Variants in SNX7 observed in about 807,000 individuals in gnomAD.
SNX7 encodes the protein sorting nexin 7.
In SNX7, 35 loss-of-function variants were observed where a neutral mutation model predicts 48.4. That is an observed-to-expected ratio of 0.72 (90% CI 0.55 to 0.96). The LOEUF (loss-of-function observed/expected upper bound fraction) is 0.96. Ranked by LOEUF, SNX7 falls within the 40% of genes least tolerant of loss-of-function variation. SNX7 has a pLI of 0.00. For missense variants in SNX7, 553 were observed against 548.9 expected (o/e 1.01, Z -0.07); for synonymous variants, 190 against 190.2 (o/e 1.00, Z 0.01).
Position 98,721,911 on chromosome 1 carries a change from T to C in SNX7, c.1126-16326T>C, listed in dbSNP as rs181671234. 3.6e-3 allele frequency among the ~76,000 whole-genome samples: 551 copies of C among 152,212 alleles called. 5 individuals are homozygous for C. Among genetic ancestry groups the C allele is most frequent in the African/African-American group, 0.012 (516 of 41,556 alleles). On this transcript the variant is annotated intron_variant, in intron 7 of 8. Coordinates refer to ENST00000306121, the MANE Select transcript of SNX7 (RefSeq NM_015976.5). Reference sequence around the variant, plus strand: ...TCATTTCTTTTTAATAGAAATATATTAATGACTGATAGAAGCACCTAGAAA... The same window carrying C: ...TCATTTCTTTTTAATAGAAATATATCAATGACTGATAGAAGCACCTAGAAA...
chr1:98,739,041 AC>A, intron 8 of SNX7, among the ~76,000 whole-genome samples: 1 of 152,262 alleles, frequency 6.6e-6, no homozygotes, highest in Non-Finnish European at 1.5e-5. Context: ...CGTACCAGGG[AC>A]AGGTTTCATG....
chr1:98,668,307 G>T (rs1649655033), intron 1 of SNX7, among the ~76,000 whole-genome samples: 1 of 152,108 alleles, frequency 6.6e-6, no homozygotes, highest in East Asian at 1.9e-4. Context: ...GTCATATAGG[G>T]TATTAATTTT....
At chr1:98,744,860 C>T (rs1654240113) in intron 8 of SNX7, among the ~76,000 whole-genome samples, 1 of 151,972 alleles carries the variant, frequency 6.6e-6, no homozygotes, top group South Asian at 2.1e-4. Flanking sequence ...TACAAAGCCC[C>T]AGTTGAAGCC....
intron 2 of SNX7, among the ~76,000 whole-genome samples, chr1:98,689,061 C>T (rs925049168): frequency 3.3e-5 from 5 of 152,068 alleles, no homozygotes; most frequent in Admixed American, 6.5e-5. Flanking sequence ...CGTGCCACTA[C>T]GTCTGGCTAA....
intron 1 of SNX7, among the ~76,000 whole-genome samples, chr1:98,663,269 T>G (rs1354855387): frequency 1.7e-5 from 1 of 57,708 alleles, no homozygotes; most frequent in African/African-American, 5.3e-5. Flanking sequence ...TTTTTTTTTT[T>G]TTTTTTTTTT....
At chr1:98,661,371 G>A (rs1054849478), upstream of SNX7, among the ~76,000 whole-genome samples, 2 of 151,952 alleles carry the variant, frequency 1.3e-5, no homozygotes, top group African/African-American at 2.4e-5. Flanking sequence ...TCGCTTCGTG[G>A]CTTCTTCCCA....
chr1:98,700,399 G>A (rs115241289), intron 6 of SNX7, among the ~76,000 whole-genome samples: 4,086 of 152,224 alleles, frequency 0.027, 78 homozygotes, highest in Middle Eastern at 0.045. Flanking sequence ...GACTGAATTA[G>A]AGAGTGAGTC....
intron 4 of SNX7, among the ~76,000 whole-genome samples, chr1:98,692,862 T>C (rs575488441): frequency 5.3e-5 from 8 of 152,346 alleles, no homozygotes; most frequent in Non-Finnish European, 1.0e-4. Context: ...TTTAACTTTT[T>C]ATAATAGATT....
intron 7 of SNX7, among the ~76,000 whole-genome samples, chr1:98,737,317 G>A (rs781125243): frequency 4.6e-5 from 7 of 151,916 alleles, no homozygotes; most frequent in African/African-American, 9.7e-5. Context: ...CCTGTCTACC[G>A]TTCTGCTTCA....
chr1:98,702,754 G>T (rs1390312272), intron 7 of SNX7, among the ~76,000 whole-genome samples: 1 of 152,104 alleles, frequency 6.6e-6, no homozygotes, highest in Non-Finnish European at 1.5e-5. Flanking sequence ...CTATCAGAAA[G>T]CAGGTATAGA....
At chr1:98,673,108 TG>T (rs1280105043) in intron 1 of SNX7, among the ~76,000 whole-genome samples, 1 of 152,212 alleles carries the variant, frequency 6.6e-6, no homozygotes, top group East Asian at 1.9e-4. Flanking sequence ...GATTTTCAGG[TG>T]TAACATTCAT....
chr1:98,700,063 C>T (rs961005195), intron 6 of SNX7, among the ~76,000 whole-genome samples: 5 of 152,018 alleles, frequency 3.3e-5, no homozygotes, highest in Non-Finnish European at 7.4e-5. Context: ...TATATTATAT[C>T]AAGATGGAAA....
intron 2 of SNX7, among the ~76,000 whole-genome samples, chr1:98,688,287 G>A (rs1237820172): frequency 6.6e-6 from 1 of 152,032 alleles, no homozygotes. Flanking sequence ...TGATTGTATC[G>A]GGAAGACCAC....
Position 98,698,687 on chromosome 1 carries a change from A to G in SNX7, c.839-19A>G, listed in dbSNP as rs1651586914. Reference sequence around the variant, plus strand: ...CTTTTGTTTATTGAAGAGCTTATTAAGTCTTTTTTTTTTTTTAGAATATTT... The same window carrying G: ...CTTTTGTTTATTGAAGAGCTTATTAGGTCTTTTTTTTTTTTTAGAATATTT... On this transcript the variant is annotated intron_variant, in intron 5 of 8. Coordinates refer to ENST00000306121, the MANE Select transcript of SNX7 (RefSeq NM_015976.5). 6.5e-7 allele frequency: 1 copy of G among 1,533,200 alleles called. No homozygotes were observed. The highest frequency in any genetic ancestry group is 9.0e-7 in the Non-Finnish European group (1 of 1,113,466). The allele number at this position is 1,533,200 out of a possible 1,614,324, so 95.0% of individuals were successfully genotyped here.
At chr1:98,709,854 G>A (rs961335823) in intron 7 of SNX7, among the ~76,000 whole-genome samples, 13 of 151,958 alleles carry the variant, frequency 8.6e-5, no homozygotes, top group Non-Finnish European at 1.8e-4. Flanking sequence ...TTACTCTCAT[G>A]TTCTCATTGC....
chr1:98,685,068 G>A lies in SNX7; in HGVS notation c.363+1G>A, dbSNP rs1570510837. On this transcript the variant is annotated splice_donor_variant, in intron 2 of 8. Coordinates refer to ENST00000306121, the MANE Select transcript of SNX7 (RefSeq NM_015976.5). LOFTEE classifies it high-confidence loss of function. Reference sequence around the variant, plus strand: ...CATTACGTATAGGATTATTACTAAGGTAAACATTTGGTGAATATTTTCTTG... The same window carrying A: ...CATTACGTATAGGATTATTACTAAGATAAACATTTGGTGAATATTTTCTTG... The A allele has an allele frequency of 2.1e-6, 3 of 1,446,668 alleles. No individual in the cohort carries two copies. The highest frequency in any genetic ancestry group is 1.7e-5 in the South Asian group (1 of 59,968). 89.6% of individuals were successfully genotyped at this position (1,446,668 alleles called of 1,614,324 possible). A position where few individuals can be genotyped will look rare whatever the true frequency, so the allele number is the denominator to read the frequency against.
intron 8 of SNX7, among the ~76,000 whole-genome samples, chr1:98,751,443 G>T (rs1654574163): frequency 6.6e-6 from 1 of 151,956 alleles, no homozygotes; most frequent in Admixed American, 6.6e-5. Context: ...GAAACAAAAA[G>T]GCTTTGTTTA....
intron 1 of SNX7, among the ~76,000 whole-genome samples, chr1:98,677,080 G>A (rs1037980725): frequency 6.6e-6 from 1 of 152,140 alleles, no homozygotes; most frequent in Admixed American, 6.5e-5. Context: ...GGGAACAAAT[G>A]TATCTAAAAG....
intron 1 of SNX7, chr1:98,677,396 C>T (rs1260201769): frequency 6.6e-6 from 1 of 152,180 alleles, no homozygotes; most frequent in Non-Finnish European, 1.5e-5. Context: ...GAGAATAAGG[C>T]TGCCTTGGCC....
Sources: allele counts gnomAD v4.1 joint callset (sites outside exome capture counted in the v4.1 genomes callset), GRCh38; gene constraint gnomAD v4.1.1; transcripts MANE v1.5; gene names NCBI Gene and HGNC (gene_info 2026-07-23, HGNC 2026-07-21).